The following PAX3 variants were observed in gnomAD, a reference collection of about 807,000 sequenced individuals.
The protein encoded by PAX3 is paired box 3.
PAX3 carries 14 observed loss-of-function variants against 51.6 expected under a neutral mutation model. The observed-to-expected ratio is 0.27, with a 90% confidence interval of 0.18 to 0.42. The LOEUF (loss-of-function observed/expected upper bound fraction) is 0.42. Among genes scored for constraint, PAX3 ranks in the 10% least tolerant of loss-of-function variants. The probability of loss-of-function intolerance (pLI) is 1.00; values close to 1 mark genes in which losing one functional copy is unlikely to be tolerated. For missense variants in PAX3, 540 were observed against 642.8 expected, an observed-to-expected ratio of 0.84 and a Z score of 1.73; for synonymous variants, 280 against 253.4, an observed-to-expected ratio of 1.11 and a Z score of -1.00.
intron 7 of PAX3, chr2:222,214,729 A>G (rs1294225955): frequency 6.6e-6 from 1 of 152,054 alleles, no homozygotes; most frequent in Non-Finnish European, 1.5e-5. Flanking sequence ...ACAAATCTTT[A>G]TGAGAATTTT....
intron 4 of PAX3, among the ~76,000 whole-genome samples, chr2:222,257,205 CA>C (rs1188173880): frequency 7.3e-5 from 8 of 109,630 alleles, no homozygotes; most frequent in Admixed American, 6.4e-4. Flanking sequence ...AATGGCTCAG[CA>C]TTTTTTTTTT....
chr2:222,291,816 A>T (rs1187320563), intron 4 of PAX3, among the ~76,000 whole-genome samples: 1 of 152,090 alleles, frequency 6.6e-6, no homozygotes, highest in Non-Finnish European at 1.5e-5. Flanking sequence ...GGAGTTTTTG[A>T]AGTTTCTAGA....
intron 1 of PAX3, 108 bp downstream of exon 1, chr2:222,298,423 G>T: frequency 2.3e-6 from 2 of 887,032 alleles, no homozygotes; most frequent in South Asian, 1.4e-5. Flanking sequence ...GGTGCCCAGG[G>T]AATGGGCTTC....
At chr2:222,285,873 T>G (rs989586552) in intron 4 of PAX3, among the ~76,000 whole-genome samples, 31 of 152,338 alleles carry the variant, frequency 2.0e-4, no homozygotes, top group Admixed American at 2.0e-3. Context: ...TGGTATTTCC[T>G]CTCCCTCAAT....
intron 5 of PAX3, among the ~76,000 whole-genome samples, chr2:222,225,016 T>C (rs1692332203): frequency 6.6e-6 from 1 of 152,128 alleles, no homozygotes; most frequent in African/African-American, 2.4e-5. Flanking sequence ...TGATCTACAA[T>C]TCAATGTAAT....
At chr2:222,265,589 C>G (rs1387250433) in intron 4 of PAX3, among the ~76,000 whole-genome samples, 1 of 149,332 alleles carries the variant, frequency 6.7e-6, no homozygotes, top group East Asian at 2.0e-4. Context: ...GGAGGCGGAG[C>G]TTGCAGTGAG....
intron 4 of PAX3, among the ~76,000 whole-genome samples, chr2:222,286,095 AC>A (rs1454409635): frequency 1.3e-5 from 2 of 152,096 alleles, no homozygotes; most frequent in African/African-American, 4.8e-5. Context: ...GTGCCATCAC[AC>A]CCAGCTAATT....
At chr2:222,260,593 T>TG (rs1693823051) in intron 4 of PAX3, among the ~76,000 whole-genome samples, 1 of 78,988 alleles carries the variant, frequency 1.3e-5, no homozygotes, top group African/African-American at 4.6e-5. Context: ...TTTTTTTTGT[T>TG]TTTTTTTTTT....
At chr2:222,280,410 GAAAAAA>G (rs1559306233) in intron 4 of PAX3, among the ~76,000 whole-genome samples, 69 of 125,518 alleles carry the variant, frequency 5.5e-4, no homozygotes, top group African/African-American at 2.0e-3. Context: ...AAGAAAGAAA[GAAAAAA>G]GAAAGAAAGA....
At chr2:222,210,732 G>T (rs1405958445) in intron 7 of PAX3, among the ~76,000 whole-genome samples, 3 of 152,092 alleles carry the variant, frequency 2.0e-5, no homozygotes, top group Non-Finnish European at 4.4e-5. Context: ...TGAATCCTTA[G>T]ATCTTTGAAA....
intron 4 of PAX3, among the ~76,000 whole-genome samples, chr2:222,277,306 C>A (rs954449814): frequency 1.3e-5 from 2 of 152,152 alleles, no homozygotes; most frequent in Non-Finnish European, 2.9e-5. Context: ...CCAGAGACTC[C>A]TAGACTCTCA....
At chr2:222,239,999 C>A (rs1692948781) in intron 4 of PAX3, among the ~76,000 whole-genome samples, 1 of 152,116 alleles carries the variant, frequency 6.6e-6, no homozygotes, top group Admixed American at 6.5e-5. Context: ...TCCCTTCTGA[C>A]CCAAGCCCTT....
intron 4 of PAX3, chr2:222,242,254 C>A (rs1272377105): frequency 6.6e-6 from 1 of 152,104 alleles, no homozygotes; most frequent in African/African-American, 2.4e-5. Context: ...GCTATGTAAA[C>A]TGGTTAACTA....
Position 222,250,889 on chromosome 2 carries a change from T to C in PAX3, c.587-18606A>G, listed in dbSNP as rs577585364. On this transcript the variant is annotated intron_variant, in intron 4 of 8. Coordinates refer to ENST00000392070, the MANE Select transcript of PAX3 (RefSeq NM_181458.4). ...TTATCTCAGCAGTTCCAACACATGA[T>C]CATTTGAGGGAGATTTATTTAACAT... Among the ~76,000 whole-genome samples the C allele has an allele frequency of 2.6e-5, 4 of 152,272 alleles. No individual in the cohort carries two copies. The South Asian group carries it at 6.2e-4, about 24-fold the overall frequency.
At chr2:222,245,205 T>A (rs750334065) in intron 4 of PAX3, among the ~76,000 whole-genome samples, 4 of 152,004 alleles carry the variant, frequency 2.6e-5, no homozygotes, top group Non-Finnish European at 4.4e-5. Flanking sequence ...GTAAATAAAT[T>A]CAGTGCTCCC....
At chr2:222,244,102 A>T (rs1693124600) in intron 4 of PAX3, among the ~76,000 whole-genome samples, 1 of 152,178 alleles carries the variant, frequency 6.6e-6, no homozygotes, top group South Asian at 2.1e-4. Flanking sequence ...CAACCAATGG[A>T]CCTAGGGGAG....
chr2:222,251,599 T>C (rs1034197947), intron 4 of PAX3, among the ~76,000 whole-genome samples: 1 of 152,178 alleles, frequency 6.6e-6, no homozygotes, highest in East Asian at 1.9e-4. Context: ...TAGCAGCATG[T>C]TTTATAATCC....
chr2:222,221,474 G>A (rs1692190405), intron 5 of PAX3, 87 bp from the exon 6 acceptor site: 10 of 1,261,464 alleles, frequency 7.9e-6, no homozygotes, highest in Non-Finnish European at 1.2e-5. Flanking sequence ...ACAGATTAGA[G>A]GCTTCTTACT....
chr2:222,255,779 A>AT (rs1378621676), intron 4 of PAX3, among the ~76,000 whole-genome samples: 2 of 134,600 alleles, frequency 1.5e-5, no homozygotes, highest in African/African-American at 5.4e-5. Context: ...GCCCAATTAT[A>AT]TTCTTTTTTT....
Sources: gnomAD v4.1 joint callset for allele counts (sites outside exome capture counted in the v4.1 genomes callset) on GRCh38, gnomAD v4.1.1 for gene constraint, MANE v1.5 for transcripts, NCBI Gene and HGNC (gene_info 2026-07-23, HGNC 2026-07-21) for gene names.